The following HYCC1 variants were observed in gnomAD, a reference collection of about 807,000 sequenced individuals.
HYCC1 encodes hyccin PI4KA lipid kinase complex subunit 1.
chr7:22,969,666 G>A, the HYCC1 span, among the ~76,000 whole-genome samples: 1 of 151,834 alleles, frequency 6.6e-6, no homozygotes, highest in Non-Finnish European at 1.5e-5. Context: ...AGGGATTACA[G>A]GCACCCCACC....
the HYCC1 span, among the ~76,000 whole-genome samples, chr7:22,991,985 T>C: frequency 6.6e-6 from 1 of 152,114 alleles, no homozygotes; most frequent in Non-Finnish European, 1.5e-5. Context: ...TTGGGTAAGA[T>C]ATATTTGCCT....
chr7:22,940,641 G>A, the HYCC1 span: 59,757 of 151,834 alleles, frequency 0.39, 11,720 homozygotes, highest in East Asian at 0.51. Context: ...TTCTAAAATT[G>A]TACTGTTAAA....
the HYCC1 span, among the ~76,000 whole-genome samples, chr7:22,908,618 C>T: frequency 2.0e-5 from 3 of 152,168 alleles, no homozygotes; most frequent in Non-Finnish European, 4.4e-5. Context: ...CCCTGAACAC[C>T]TTTCCAGCCT....
chr7:22,923,683 T>A, the HYCC1 span, among the ~76,000 whole-genome samples: 1 of 152,104 alleles, frequency 6.6e-6, no homozygotes, highest in East Asian at 1.9e-4. Context: ...AAGACTCATG[T>A]TGCACAAATT....
At chr7:22,997,108 T>TACAATAAA in the HYCC1 span, among the ~76,000 whole-genome samples, 1 of 152,164 alleles carries the variant, frequency 6.6e-6, no homozygotes, top group Non-Finnish European at 1.5e-5. Flanking sequence ...ATTTTCAATG[T>TACAATAAA]ACAATAAAAC....
At chr7:22,922,091 A>G in the HYCC1 span, among the ~76,000 whole-genome samples, 1 of 152,184 alleles carries the variant, frequency 6.6e-6, no homozygotes, top group Non-Finnish European at 1.5e-5. Context: ...CATGAGACCC[A>G]TGGAAAACAA....
the HYCC1 span, among the ~76,000 whole-genome samples, chr7:22,902,400 A>G: frequency 6.6e-6 from 1 of 152,092 alleles, no homozygotes; most frequent in Non-Finnish European, 1.5e-5. Context: ...AGTAAATAAA[A>G]TTAATTACAA....
At chr7:22,947,116 G>A in the HYCC1 span, 5 of 1,550,402 alleles carry the variant, frequency 3.2e-6, no homozygotes, top group East Asian at 2.4e-5. Flanking sequence ...TGTATATGCT[G>A]AGCATCAATC....
the HYCC1 span, among the ~76,000 whole-genome samples, chr7:22,974,544 T>C: frequency 6.6e-6 from 1 of 152,230 alleles, no homozygotes; most frequent in Non-Finnish European, 1.5e-5. Context: ...ATGCTCTAAT[T>C]TGGAAAACAC....
the HYCC1 span, among the ~76,000 whole-genome samples, chr7:22,972,578 T>A: frequency 6.2e-4 from 95 of 152,352 alleles, no homozygotes; most frequent in African/African-American, 1.9e-3. Flanking sequence ...AAAGAAATCA[T>A]TTCCTCAAAC....
At chr7:22,990,492 T>G in the HYCC1 span, among the ~76,000 whole-genome samples, 1 of 152,178 alleles carries the variant, frequency 6.6e-6, no homozygotes, top group Non-Finnish European at 1.5e-5. Context: ...CATAATTATG[T>G]GTCACATAAG....
At chr7:22,904,921 C>T in the HYCC1 span, among the ~76,000 whole-genome samples, 1 of 150,994 alleles carries the variant, frequency 6.6e-6, no homozygotes, top group African/African-American at 2.4e-5. Flanking sequence ...CATGGTTCTG[C>T]AGGCTATACA....
At chr7:22,952,646 T>A in the HYCC1 span, among the ~76,000 whole-genome samples, 3 of 151,974 alleles carry the variant, frequency 2.0e-5, no homozygotes, top group Non-Finnish European at 2.9e-5. Context: ...TATTTGCATA[T>A]CTTTCATACT....
the HYCC1 span, chr7:22,978,400 C>T: frequency 6.2e-7 from 1 of 1,613,950 alleles, no homozygotes; most frequent in Non-Finnish European, 8.5e-7. Flanking sequence ...AACTGCTCCT[C>T]TCCACTGCGA....
the HYCC1 span, chr7:22,960,367 T>C: frequency 6.2e-7 from 1 of 1,613,494 alleles, no homozygotes; most frequent in Admixed American, 1.7e-5. Flanking sequence ...CCTTCCTTAT[T>C]AGATTTCATG....
At chr7:22,973,475 A>AC in the HYCC1 span, among the ~76,000 whole-genome samples, 2 of 152,314 alleles carry the variant, frequency 1.3e-5, no homozygotes, top group Non-Finnish European at 2.9e-5. Flanking sequence ...ACTAAAAATG[A>AC]CAGGAATGAT....
chr7:22,978,281 C>T, the HYCC1 span: 1 of 1,613,782 alleles, frequency 6.2e-7, no homozygotes, highest in African/African-American at 1.3e-5. Context: ...AATTGTAAAC[C>T]CCTAGAAGAA....
At chr7:22,999,091 A>G in the HYCC1 span, among the ~76,000 whole-genome samples, 3 of 152,214 alleles carry the variant, frequency 2.0e-5, no homozygotes, top group African/African-American at 7.2e-5. Flanking sequence ...CCAAAACAGC[A>G]TCATCTGATT....
chr7:22,985,011 A>T, the HYCC1 span, among the ~76,000 whole-genome samples: 1 of 152,142 alleles, frequency 6.6e-6, no homozygotes, highest in South Asian at 2.1e-4. Context: ...AAAACATTTC[A>T]TTATCATAAT....
Sources: allele counts gnomAD v4.1 joint callset (sites outside exome capture counted in the v4.1 genomes callset), GRCh38; gene constraint gnomAD v4.1.1; transcripts MANE v1.5; gene names NCBI Gene and HGNC (gene_info 2026-07-23, HGNC 2026-07-21).